NOTCH1: variants seen among roughly 807,000 people sequenced by gnomAD.
NOTCH1 encodes the protein neurogenic locus notch homolog protein 1.
Under a neutral mutation model 254.8 loss-of-function variants are expected in NOTCH1, and 37 were observed. The observed-to-expected ratio is 0.15, with a 90% CI of 0.11 to 0.19. The LOEUF (loss-of-function observed/expected upper bound fraction) is 0.19. Among genes scored for constraint, NOTCH1 ranks in the 10% least tolerant of loss-of-function variants. NOTCH1 has a pLI of 1.00. For synonymous variants in NOTCH1, 1,731 were observed against 1,618.1 expected (o/e 1.07, Z -1.68); for missense variants, 2,972 against 3,708.6 (o/e 0.80, Z 5.16).
rs753106233 is a variant in NOTCH1, at chr9:136,523,909, C to G, written c.211G>C (p.Ala71Pro). The G allele has an allele frequency of 6.2e-7, 1 of 1,603,230 alleles. No homozygotes were observed. Among genetic ancestry groups the G allele is most frequent in the Non-Finnish European group, 8.5e-7 (1 of 1,175,648 alleles). Reference protein sequence around the residue: ...NPCLSTPCKNAGTCHVVDRRG... With the variant: ...NPCLSTPCKNPGTCHVVDRRG... ...CGGTCCACCACGTGGCATGTCCCGG[C>G]GTTCTTGCAGGGGGTGCTGAGGCAC... is the stretch of plus-strand genomic sequence containing the variant. The change falls in exon 3 of 34, where the codon GCC (alanine) becomes CCC (proline). Residue 71 changes from alanine (A) to proline (P), a missense_variant. Ala to Pro is a conservative substitution (Grantham distance 27, BLOSUM62 -1). Around this residue, in one of 8 missense-constraint regions of NOTCH1, gnomAD observed 374 missense variants for 496.3 expected, o/e 0.75. Transcript: ENST00000651671.
Position 136,508,082 on chromosome 9 carries a change from G to A in NOTCH1, c.3383C>T (p.Thr1128Met), listed in dbSNP as rs1340595829. The A allele has an allele frequency of 6.2e-6, 10 of 1,609,996 alleles. No homozygotes were observed. Among genetic ancestry groups the A allele is most frequent in the East Asian group, 2.2e-5 (1 of 44,878 alleles). ...HGGLCVDAGN[T>M]HHCRCQAGYT... ...GCCCGCCTGGCAGCGGCAGTGGTGC[G>A]TGTTGCCCGCGTCCACACAGAGCCC... Residue 1128 changes from threonine (T) to methionine (M), a missense_variant, in exon 21 of 34, where the codon ACG becomes ATG. By Grantham distance (81) the Thr-to-Met change is moderately conservative. Around this residue, in one of 8 missense-constraint regions of NOTCH1, gnomAD observed 1,343 missense variants for 1,557.0 expected, o/e 0.86. Transcript: ENST00000651671.
rs1564192004 is a variant in NOTCH1 at position 136,506,881 on chromosome 9, C to G, written c.3736G>C (p.Asp1246His). Residue 1246 changes from aspartate to histidine, a missense_variant, in exon 23 of 34, where the codon GAC becomes CAC. Around this residue, in one of 8 missense-constraint regions of NOTCH1, gnomAD observed 1,343 missense variants for 1,557.0 expected, o/e 0.86. Transcript: ENST00000651671. This position sits in a 1 kb window ranked among gnomAD's most constrained non-coding sequence, Gnocchi z 4.5. ...GTGCAGCTGTAGCCGCCCACCTGGT[C>G]CACGCAGGTGCCGTTGTTAAAGCAC... ...PKCFNNGTCV[D>H]QVGGYSCTCP... is the part of the protein sequence containing the mutation. 2 of 1,611,568 alleles carry G rather than the reference C, an allele frequency of 1.2e-6. No individual in the cohort carries two copies. The highest frequency in any genetic ancestry group is 1.7e-6 in the Non-Finnish European group (2 of 1,179,364).
Position 136,502,022 on chromosome 9 carries a change from G to T in NOTCH1, c.5451C>A (p.Asp1817Glu), listed in dbSNP as rs2133329815. Residue 1817 changes from aspartate to glutamate, a missense_variant, in exon 29 of 34, where the codon GAC becomes GAA. By Grantham distance (45) the Asp-to-Glu change is conservative. This residue lies in a region of NOTCH1 where 421 missense variants were observed against 604.4 expected (regional missense o/e 0.70). Coordinates refer to ENST00000651671, the MANE Select transcript of NOTCH1 (RefSeq NM_017617.5). ...DDNQNEWGDE[D>E]LETKKFRFEE... ...TCACCCGGAACTTCTTGGTCTCCAGGTCCTCGTCCCCCCACTCATTCTGGT... is the reference window on the plus strand; with the variant it reads ...TCACCCGGAACTTCTTGGTCTCCAGTTCCTCGTCCCCCCACTCATTCTGGT... 1 of 1,613,216 alleles carries T rather than the reference G, an allele frequency of 6.2e-7. No homozygotes were observed. The highest frequency in any genetic ancestry group is 2.2e-5 in the East Asian group (1 of 44,864).
chr9:136,540,383 T>C lies in NOTCH1; in HGVS notation c.140+3641A>G, dbSNP rs1360245400. ...GCTGGAGCCATCCTGGGAGATGGAC[T>C]TCCCCAGAGCCGGCAAGTCCCTCCC... On this transcript the variant is annotated intron_variant, in intron 2 of 33. Coordinates refer to ENST00000651671, the MANE Select transcript of NOTCH1 (RefSeq NM_017617.5). This position sits in a 1 kb window ranked among gnomAD's most constrained non-coding sequence, Gnocchi z 4.4. Among the ~76,000 whole-genome samples the C allele has an allele frequency of 6.6e-6, 1 of 151,948 alleles. No homozygotes were observed. Among genetic ancestry groups the C allele is most frequent in the Non-Finnish European group, 1.5e-5 (1 of 67,944 alleles).
intron 2 of NOTCH1, among the ~76,000 whole-genome samples, chr9:136,528,350 C>T (rs1589075575): frequency 3.0e-5 from 1 of 32,966 alleles, no homozygotes; most frequent in Non-Finnish European, 5.7e-5. Context: ...CATGGCTCCA[C>T]CAGGTGACAG....
In NOTCH1 at chr9:136,524,005, T is replaced by C. The variant is rs1397118039; in HGVS notation, c.141-26A>G. On this transcript the variant is annotated intron_variant, in intron 2 of 33. Coordinates refer to ENST00000651671, the MANE Select transcript of NOTCH1 (RefSeq NM_017617.5). ...CTGTTGGCAGATGTGCCAGGGCAGT[T>C]AGTTCCCACCTGCTTCCCCAGCGCC... 3.2e-6 allele frequency: 5 copies of C among 1,540,444 alleles called. No individual in the cohort carries two copies. The East Asian group carries it at 1.2e-4, about 38-fold the overall frequency.
intron 21 of NOTCH1, 88 bp from the exon 22 acceptor site, chr9:136,507,525 C>T: frequency 6.6e-7 from 1 of 1,523,730 alleles, no homozygotes; most frequent in Non-Finnish European, 8.9e-7. Context: ...GCTGACAGGG[C>T]CACATGAGCT....
chr9:136,532,067 C>G (rs865985313), intron 2 of NOTCH1, among the ~76,000 whole-genome samples: 2 of 152,224 alleles, frequency 1.3e-5, no homozygotes, highest in African/African-American at 4.8e-5. Flanking sequence ...GATCACCGGG[C>G]GCCTGGGATT....
chr9:136,515,760 G>A (rs748792940), intron 10 of NOTCH1, 44 bp from the exon 11 acceptor site: 47 of 1,505,318 alleles, frequency 3.1e-5, no homozygotes, highest in Middle Eastern at 2.3e-4. Context: ...TAGGACTGGC[G>A]GCCCCCGGGA....
chr9:136,504,582 G>A, intron 26 of NOTCH1, 91 bp downstream of exon 26: 1 of 1,325,146 alleles, frequency 7.5e-7, no homozygotes. Context: ...AGTACTGCTT[G>A]CCATGGCGCC....
chr9:136,517,439 G>A (rs1843294150), intron 8 of NOTCH1, 54 bp from the exon 9 acceptor site: 1 of 1,240,058 alleles, frequency 8.1e-7, no homozygotes, highest in Non-Finnish European at 1.2e-6. Context: ...TGCCCCACTG[G>A]GCACAGCTGT....
In NOTCH1 at chr9:136,496,773, T is replaced by C. The variant is rs1318983291; in HGVS notation, c.6966A>G (p.Gln2322=). The change falls in exon 34 of 34, where the codon CAA becomes CAG. Residue 2322 remains glutamine (Q), a synonymous_variant. Transcript: ENST00000651671. The part of the protein sequence containing the change: ...SRLQSGMVPN[Q]YNPLRGSVAP... Reference sequence around the variant, plus strand: ...CCACACTCCCCCGCAGAGGGTTGTATTGGTTCGGCACCATGCCGCTCTGCA... The same window carrying C: ...CCACACTCCCCCGCAGAGGGTTGTACTGGTTCGGCACCATGCCGCTCTGCA... The C allele has an allele frequency of 4.3e-6, 7 of 1,612,824 alleles. No individual in the cohort carries two copies. The highest frequency in any genetic ancestry group is 1.3e-5 in the African/African-American group (1 of 75,052).
chr9:136,526,144 G>A (rs924269333), intron 2 of NOTCH1, among the ~76,000 whole-genome samples: 2 of 152,356 alleles, frequency 1.3e-5, no homozygotes, highest in Non-Finnish European at 2.9e-5. Flanking sequence ...CCTGTTGGGA[G>A]GGCAGACGTG....
chr9:136,517,740 C>T lies in NOTCH1; in HGVS notation c.1441+12G>A, dbSNP rs759506343. 61 of 1,612,388 alleles carry T rather than the reference C, an allele frequency of 3.8e-5. No homozygotes were observed. The highest frequency in any genetic ancestry group is 6.7e-5 in the East Asian group (3 of 44,890). The stretch of plus-strand genomic sequence containing the variant: ...TCGACTCGGTTTCCCGCCCTGGCCC[C>T]GGCCGACGCACCGGGCATGCAGATG... On this transcript the variant is annotated intron_variant, in intron 8 of 33. Coordinates refer to ENST00000651671, the MANE Select transcript of NOTCH1 (RefSeq NM_017617.5).
At position 136,509,180 on chromosome 9, in the gene NOTCH1, G is replaced by A. The variant is rs991318016; in HGVS notation, c.2970-109C>T. On this transcript the variant is annotated intron_variant, in intron 18 of 33. Coordinates refer to ENST00000651671, the MANE Select transcript of NOTCH1 (RefSeq NM_017617.5). ...CCCTTCTGCTCAACCCTAGGGGCCT[G>A]ATGGCCAGGACAGGCCCAGGGCAGC... 1.0e-5 allele frequency: 12 copies of A among 1,146,072 alleles called. No homozygotes were observed. The South Asian group carries it at 1.6e-4, about 15-fold the overall frequency. The allele number at this position is 1,146,072 out of a possible 1,614,324, so 71.0% of individuals were successfully genotyped here.
At position 136,501,388 on chromosome 9, in the gene NOTCH1, C is replaced by T. The variant is rs192046667; in HGVS notation, c.5638+360G>A. On this transcript the variant is annotated intron_variant, in intron 30 of 33. Transcript: ENST00000651671. Reference sequence around the variant, plus strand: ...GGTGGAGGTTGCAGGGAGCCGAGATCGTGCCACTGCACTCCAGCCTGGGTG... The same window carrying T: ...GGTGGAGGTTGCAGGGAGCCGAGATTGTGCCACTGCACTCCAGCCTGGGTG... 5.6e-3 allele frequency among the ~76,000 whole-genome samples: 848 copies of T among 150,340 alleles called. 6 individuals are homozygous for T. Among genetic ancestry groups the T allele is most frequent in the African/African-American group, 0.019 (764 of 40,802 alleles).
Position 136,516,118 on chromosome 9 carries a change from G to A in NOTCH1, c.1556-24C>T, listed in dbSNP as rs12001608. 5.9e-4 allele frequency: 926 copies of A among 1,556,680 alleles called. 8 individuals carry two copies. In the African/African-American group the frequency reaches 0.011, roughly 19 times the overall value. ...GCCTGGGGCCGGGGAGGGGAGGGGA[G>A]GGAGTCATGTGCAACAGCACTATGG... On this transcript the variant is annotated intron_variant, in intron 9 of 33. Coordinates refer to ENST00000651671, the MANE Select transcript of NOTCH1 (RefSeq NM_017617.5).
At chr9:136,502,985 G>A in intron 27 of NOTCH1, 197 bp downstream of exon 27, 2 of 765,008 alleles carry the variant, frequency 2.6e-6, no homozygotes, top group South Asian at 1.5e-5. Context: ...TTCCCAGGTG[G>A]CTCCACCGGC....
In NOTCH1 at chr9:136,513,660, G is replaced by A; in HGVS notation, c.2208-123C>T. 1.8e-6 allele frequency: 2 copies of A among 1,093,464 alleles called. No individual in the cohort carries two copies. Among genetic ancestry groups the A allele is most frequent in the South Asian group, 1.4e-5 (1 of 73,926 alleles). 67.7% of individuals were successfully genotyped at this position (1,093,464 alleles called of 1,614,324 possible). A position where few individuals can be genotyped will look rare whatever the true frequency, so the allele number is the denominator to read the frequency against. On this transcript the variant is annotated intron_variant, in intron 13 of 33. Transcript: ENST00000651671. This position sits in a 1 kb window ranked among gnomAD's most constrained non-coding sequence, Gnocchi z 4.7. ...GTGCCCATCCACTCAGACTCGCAGA[G>A]TCCTTTAGTGGGGGCAGGCTGGGCG...
Sources: allele counts gnomAD v4.1 joint callset (sites outside exome capture counted in the v4.1 genomes callset), GRCh38; gene constraint gnomAD v4.1.1; regional missense constraint gnomAD v4.1.1; non-coding constraint Gnocchi (gnomAD v3.1); transcripts MANE v1.5; gene names NCBI Gene and HGNC (gene_info 2026-07-23, HGNC 2026-07-21).